The following NAV3 variants were observed in gnomAD, a reference collection of about 807,000 sequenced individuals.
NAV3 encodes neuron navigator 3, also known as pore membrane and/or filament interacting like protein 1.
NAV3 carries 87 observed loss-of-function variants against 244.7 expected under a neutral mutation model. The ratio of observed to expected loss-of-function variants is 0.36; its 90% CI spans 0.30 to 0.42. The LOEUF (loss-of-function observed/expected upper bound fraction) is 0.42. NAV3 is among the 20% of genes least tolerant of loss of function. The probability of loss-of-function intolerance (pLI) is 1.00; values close to 1 mark genes in which losing one functional copy is unlikely to be tolerated. For synonymous variants in NAV3, 1,126 were observed against 1,042.2 expected (o/e 1.08, Z -1.55); for missense variants, 2,663 against 2,893.3 (o/e 0.92, Z 1.83).
chr12:77,983,047 A>G (rs1423239462), intron 5 of NAV3, among the ~76,000 whole-genome samples: 1 of 152,302 alleles, frequency 6.6e-6, no homozygotes, highest in Middle Eastern at 3.4e-3. Context: ...TAAAATTGTC[A>G]TAGCATATAA....
chr12:77,844,028 C>G (rs1876184016), intron 1 of NAV3, among the ~76,000 whole-genome samples: 1 of 152,182 alleles, frequency 6.6e-6, no homozygotes, highest in Non-Finnish European at 1.5e-5. Context: ...TGGATCTGAG[C>G]TGTTGAGCTG....
chr12:77,751,031 A>G (rs1261244801), intron 2 of NAV3, among the ~76,000 whole-genome samples: 1 of 152,164 alleles, frequency 6.6e-6, no homozygotes, highest in Non-Finnish European at 1.5e-5. Context: ...TGTTTTGTTT[A>G]TTAACGAGTT....
chr12:78,175,253 G>A, intron 24 of NAV3, 53 bp from the exon 25 acceptor site: 1 of 1,593,012 alleles, frequency 6.3e-7, no homozygotes, highest in Non-Finnish European at 8.6e-7. Context: ...AGACTTATTT[G>A]TTCAGATCGA....
At chr12:78,208,343 C>A (rs1960543827) in intron 39 of NAV3, among the ~76,000 whole-genome samples, 1 of 152,136 alleles carries the variant, frequency 6.6e-6, no homozygotes. Flanking sequence ...TCAACACCTC[C>A]CACTACGACT....
chr12:77,959,134 A>C (rs1484781681), intron 3 of NAV3, among the ~76,000 whole-genome samples: 2 of 152,172 alleles, frequency 1.3e-5, no homozygotes, highest in Non-Finnish European at 2.9e-5. Context: ...AGTTTCTTTG[A>C]AGAACATAGT....
chr12:77,815,780 C>A (rs985751185), intron 2 of NAV3, among the ~76,000 whole-genome samples: 1 of 152,002 alleles, frequency 6.6e-6, no homozygotes, highest in Non-Finnish European at 1.5e-5. Flanking sequence ...TTTTAGATTG[C>A]CAAGTATGAT....
chr12:77,637,506 G>A (rs375757337), intron 2 of NAV3, among the ~76,000 whole-genome samples: 8 of 151,958 alleles, frequency 5.3e-5, no homozygotes, highest in South Asian at 2.1e-4. Context: ...TATATAAGCA[G>A]CTACTATGTG....
At position 77,658,488 on chromosome 12, in the gene NAV3, G is replaced by A. The variant is rs948331683; in HGVS notation, c.72+86222G>A. On this transcript the variant is annotated intron_variant, in intron 2 of 8. Transcript: ENST00000550042. ...AGAAACAAATGGAAGAACATTCCAT[G>A]CTCATGGGTAGGAAGAATCAATATC... Among the ~76,000 whole-genome samples, 656 of 149,172 alleles carry A rather than the reference G, an allele frequency of 4.4e-3. 6 individuals carry two copies. Among genetic ancestry groups the A allele is most frequent in the African/African-American group, 0.015 (623 of 40,450 alleles).
At position 77,964,128 on chromosome 12, in the gene NAV3, A is replaced by G. The variant is rs527989132; in HGVS notation, c.415-2101A>G. On this transcript the variant is annotated intron_variant, in intron 3 of 39. Transcript: ENST00000397909. ...TTCTGATTGTGGTGCAAGTTGAGAGAGAGAGTTGTGTCTAACACTCAATTT... is the reference window on the plus strand; with the variant it reads ...TTCTGATTGTGGTGCAAGTTGAGAGGGAGAGTTGTGTCTAACACTCAATTT... Among the ~76,000 whole-genome samples, 7 of 151,370 alleles carry G rather than the reference A, an allele frequency of 4.6e-5. No individual in the cohort carries two copies. The South Asian group carries it at 1.5e-3, about 32-fold the overall frequency.
At chr12:78,088,510 T>C (rs1953754097) in intron 12 of NAV3, among the ~76,000 whole-genome samples, 1 of 152,060 alleles carries the variant, frequency 6.6e-6, no homozygotes, top group African/African-American at 2.4e-5. Context: ...TGCGCTATTG[T>C]AAAAAATCAC....
In NAV3 at chr12:78,102,427, A is replaced by T. The variant is rs1436507767; in HGVS notation, c.2637-14345A>T. Among the ~76,000 whole-genome samples, 5 of 152,116 alleles carry T rather than the reference A, an allele frequency of 3.3e-5. No individual in the cohort carries two copies. The East Asian group carries it at 9.6e-4, about 29-fold the overall frequency. On this transcript the variant is annotated intron_variant, in intron 12 of 39. Transcript: ENST00000397909. ...CCCCTGTGGCTTTGCAGGGTATAGC[A>T]CCCCTCCCAGCTGCTTTCACAGGCT...
At chr12:77,801,030 C>T (rs1026333755) in intron 2 of NAV3, among the ~76,000 whole-genome samples, 7 of 151,962 alleles carry the variant, frequency 4.6e-5, no homozygotes, top group Admixed American at 3.9e-4. Flanking sequence ...ATTTGTGTAC[C>T]TGAGATTGAG....
chr12:77,648,231 T>C (rs1287685212), intron 2 of NAV3, among the ~76,000 whole-genome samples: 1 of 152,136 alleles, frequency 6.6e-6, no homozygotes, highest in Non-Finnish European at 1.5e-5. Flanking sequence ...TGTCAAACAG[T>C]CTGATCCTGA....
chr12:77,994,056 A>T (rs1302455970), intron 5 of NAV3, among the ~76,000 whole-genome samples: 2 of 152,242 alleles, frequency 1.3e-5, no homozygotes, highest in Non-Finnish European at 2.9e-5. Context: ...GCTCTTCAAA[A>T]TTTGGCTTAA....
intron 1 of NAV3, among the ~76,000 whole-genome samples, chr12:77,864,202 C>T (rs1879679619): frequency 1.3e-5 from 2 of 151,772 alleles, no homozygotes; most frequent in African/African-American, 4.8e-5. Context: ...CTTTTTCTTT[C>T]CATTTTCAGT....
rs2140013885 is a variant in NAV3, at chr12:78,199,458, A to T, written c.6642A>T (p.Ile2214=). 6.2e-7 allele frequency: 1 copy of T among 1,610,486 alleles called. No individual in the cohort carries two copies. ...NIRNNDLVKI[I]DWIPKTWHHL... is the part of the protein sequence containing the mutation. ...GCAATAATGACCTAGTCAAAATTAT[A>T]GATTGGATTCCGAAGACGTGGCATC... The change falls in exon 37 of 40, where the codon ATA becomes ATT. Residue 2214 remains isoleucine, a synonymous_variant. Coordinates refer to ENST00000397909, the MANE Select transcript of NAV3 (RefSeq NM_001024383.2).
At chr12:78,147,832 A>G (rs951524679) in intron 21 of NAV3, among the ~76,000 whole-genome samples, 1 of 152,086 alleles carries the variant, frequency 6.6e-6, no homozygotes, top group Non-Finnish European at 1.5e-5. Flanking sequence ...TTCAACTACA[A>G]CTATAGATAA....
At chr12:78,122,908 TAAAA>T (rs61235295) in intron 16 of NAV3, among the ~76,000 whole-genome samples, 2,132 of 144,278 alleles carry the variant, frequency 0.015, 39 homozygotes, top group African/African-American at 0.042. Flanking sequence ...TTGGCCTGGT[TAAAA>T]AAAAAAAAAA....
chr12:77,617,630 C>T (rs370088286), intron 2 of NAV3, among the ~76,000 whole-genome samples: 1 of 152,152 alleles, frequency 6.6e-6, no homozygotes, highest in African/African-American at 2.4e-5. Flanking sequence ...AGGAGGGATC[C>T]TCCAATCCAC....
Sources: gnomAD v4.1 joint callset for allele counts (sites outside exome capture counted in the v4.1 genomes callset) on GRCh38, gnomAD v4.1.1 for gene constraint, MANE v1.5 for transcripts, NCBI Gene and HGNC (gene_info 2026-07-23, HGNC 2026-07-21) for gene names.